GRIP1: variants seen among roughly 807,000 people sequenced by gnomAD.
GRIP1 encodes the protein glutamate receptor-interacting protein 1.
In GRIP1, 45 loss-of-function variants were observed where a neutral mutation model predicts 129.9. The ratio of observed to expected loss-of-function variants is 0.35; its 90% CI spans 0.27 to 0.44. GRIP1 has a LOEUF of 0.44. Ranked by LOEUF, GRIP1 falls within the 20% of genes least tolerant of loss-of-function variation. GRIP1 has a pLI of 1.00. For missense variants in GRIP1, 1,196 were observed against 1,396.8 expected (o/e 0.86, Z 2.29); for synonymous variants, 530 against 520.8 (o/e 1.02, Z -0.24).
chr12:66,410,243 C>T (rs1301099414), intron 15 of GRIP1, among the ~76,000 whole-genome samples: 3 of 59,756 alleles, frequency 5.0e-5, no homozygotes, highest in Non-Finnish European at 1.0e-4. Context: ...GAGCGAGACT[C>T]CGTCTCAAAA....
chr12:66,530,403 T>C (rs1263310175), intron 4 of GRIP1, among the ~76,000 whole-genome samples: 2 of 152,174 alleles, frequency 1.3e-5, no homozygotes. Context: ...TGTTCTGACA[T>C]ATAAATAGCT....
chr12:66,979,252 A>AACAAC (rs1555257220), intron 1 of GRIP1, among the ~76,000 whole-genome samples: 14 of 110,240 alleles, frequency 1.3e-4, no homozygotes, highest in Non-Finnish European at 2.0e-4. Flanking sequence ...AAAAAAAAAA[A>AACAAC]AACAAGCCCG....
intron 2 of GRIP1, among the ~76,000 whole-genome samples, chr12:66,594,041 C>G (rs1213026989): frequency 8.5e-6 from 1 of 118,256 alleles, no homozygotes; most frequent in Non-Finnish European, 1.6e-5. Context: ...GTACTCCAGC[C>G]TGGGTGACAG....
intron 1 of GRIP1, among the ~76,000 whole-genome samples, chr12:66,953,959 C>G (rs188332566): frequency 6.6e-6 from 1 of 152,042 alleles, no homozygotes; most frequent in East Asian, 1.9e-4. Flanking sequence ...TGCTTTCCGA[C>G]CCCCCAAAAC....
intron 19 of GRIP1, among the ~76,000 whole-genome samples, chr12:66,391,960 T>G (rs1246139286): frequency 6.6e-6 from 1 of 152,200 alleles, no homozygotes; most frequent in Non-Finnish European, 1.5e-5. Flanking sequence ...TGTGGAAAGC[T>G]TGCTGAAAAA....
intron 1 of GRIP1, among the ~76,000 whole-genome samples, chr12:66,892,183 G>A (rs2040671626): frequency 6.6e-6 from 1 of 152,090 alleles, no homozygotes; most frequent in Non-Finnish European, 1.5e-5. Context: ...GTGACAGCTG[G>A]AGACTCTGGC....
intron 23 of GRIP1, among the ~76,000 whole-genome samples, chr12:66,367,074 G>A (rs564221997): frequency 2.0e-5 from 3 of 152,286 alleles, no homozygotes; most frequent in African/African-American, 7.2e-5. Context: ...GTGCAAAGAA[G>A]TGAGGCCAGA....
At chr12:66,984,067 C>T (rs148927595) in intron 1 of GRIP1, among the ~76,000 whole-genome samples, 7 of 152,158 alleles carry the variant, frequency 4.6e-5, no homozygotes, top group South Asian at 2.1e-4. Context: ...AGAACAAACC[C>T]GGGAGAAGCA....
chr12:66,450,367 G>C (rs1038609900), intron 11 of GRIP1, among the ~76,000 whole-genome samples: 1 of 130,802 alleles, frequency 7.6e-6, no homozygotes, highest in African/African-American at 2.8e-5. Context: ...CAGTTTAATA[G>C]TAACAGGTGA....
intron 1 of GRIP1, among the ~76,000 whole-genome samples, chr12:66,724,617 G>A (rs193132551): frequency 6.6e-5 from 10 of 152,214 alleles, no homozygotes; most frequent in Admixed American, 4.6e-4. Flanking sequence ...TTCATCTTAT[G>A]GCCTTCATCT....
intron 23 of GRIP1, among the ~76,000 whole-genome samples, chr12:66,354,808 G>A (rs1431658921): frequency 6.6e-6 from 1 of 152,146 alleles, no homozygotes; most frequent in African/African-American, 2.4e-5. Context: ...GCATTCTGAA[G>A]GCAATATGAA....
At chr12:66,582,424 G>A (rs1476996633) in intron 2 of GRIP1, among the ~76,000 whole-genome samples, 3 of 148,886 alleles carry the variant, frequency 2.0e-5, no homozygotes, top group South Asian at 2.2e-4. Flanking sequence ...GGCAGGAGAA[G>A]GAAATAAAGG....
At chr12:66,513,358 C>T (rs1420818605) in intron 7 of GRIP1, among the ~76,000 whole-genome samples, 1 of 152,010 alleles carries the variant, frequency 6.6e-6, no homozygotes, top group East Asian at 1.9e-4. Context: ...ATTCGGGTAA[C>T]CTCAAAGATG....
At chr12:66,458,875 C>A (rs373914582) in intron 9 of GRIP1, among the ~76,000 whole-genome samples, 57 of 152,334 alleles carry the variant, frequency 3.7e-4, no homozygotes, top group African/African-American at 1.4e-3. Context: ...GTTTGTATGA[C>A]TGCCTCCTTC....
intron 7 of GRIP1, among the ~76,000 whole-genome samples, chr12:66,515,235 G>T (rs1398008758): frequency 6.6e-6 from 1 of 151,836 alleles, no homozygotes; most frequent in East Asian, 1.9e-4. Flanking sequence ...AGAAGGAAAG[G>T]AATCACCTAC....
chr12:66,822,000 T>TTG (rs145504310), intron 1 of GRIP1, among the ~76,000 whole-genome samples: 42,377 of 150,170 alleles, frequency 0.28, 6,783 homozygotes, highest in Non-Finnish European at 0.37. Flanking sequence ...CACTTCCATC[T>TTG]TGTGTGTGTG....
intron 1 of GRIP1, among the ~76,000 whole-genome samples, chr12:67,040,924 T>C (rs991008441): frequency 6.6e-6 from 1 of 152,062 alleles, no homozygotes; most frequent in African/African-American, 2.4e-5. Context: ...CTGAGTAAAG[T>C]AGATTACCCT....
intron 1 of GRIP1, among the ~76,000 whole-genome samples, chr12:67,023,288 TTTGAG>T (rs1437627600): frequency 5.3e-5 from 8 of 152,228 alleles, no homozygotes; most frequent in Admixed American, 2.0e-4. Context: ...TATGATACAC[TTTGAG>T]TTAACTTTTT....
At chr12:66,990,124 A>T (rs1158903245) in intron 1 of GRIP1, among the ~76,000 whole-genome samples, 1 of 152,218 alleles carries the variant, frequency 6.6e-6, no homozygotes, top group Non-Finnish European at 1.5e-5. Context: ...CAAATTCCAA[A>T]AAGTTAGAGA....
Sources: gnomAD v4.1 joint callset for allele counts (sites outside exome capture counted in the v4.1 genomes callset) on GRCh38, gnomAD v4.1.1 for gene constraint, MANE v1.5 for transcripts, NCBI Gene and HGNC (gene_info 2026-07-23, HGNC 2026-07-21) for gene names.